HYOU1: variants seen among roughly 807,000 people sequenced by gnomAD.
HYOU1 encodes the protein hypoxia up-regulated protein 1.
A neutral mutation model predicts 120.5 loss-of-function variants in HYOU1; 40 were observed. The ratio of observed to expected loss-of-function variants is 0.33; its 90% CI spans 0.26 to 0.43. The LOEUF (loss-of-function observed/expected upper bound fraction) is 0.43. Among genes scored for constraint, HYOU1 ranks in the 20% least tolerant of loss-of-function variants. The probability of loss-of-function intolerance (pLI) is 1.00; values close to 1 mark genes in which losing one functional copy is unlikely to be tolerated. For synonymous variants in HYOU1, 501 were observed against 479.4 expected (o/e 1.05, Z -0.59); for missense variants, 1,085 against 1,278.3 (o/e 0.85, Z 2.31).
chr11:119,049,750 C>T (rs1258679801), intron 15 of HYOU1, 27 bp downstream of exon 15: 1 of 1,611,710 alleles, frequency 6.2e-7, no homozygotes, highest in Admixed American at 1.7e-5. Flanking sequence ...ATATTCTCTC[C>T]CATACACACA....
chr11:119,047,109 C>G, intron 22 of HYOU1: 1 of 275,034 alleles, frequency 3.6e-6, no homozygotes, highest in Non-Finnish European at 6.9e-6. Flanking sequence ...GGCTGGAGTG[C>G]AGTGGCGCGA....
intron 8 of HYOU1, chr11:119,053,883 A>C (rs868543930): frequency 2.3e-6 from 1 of 440,464 alleles, no homozygotes; most frequent in Non-Finnish European, 4.0e-6. Context: ...CTGCGGCTCC[A>C]TGGATTTCCT....
At position 119,051,189 on chromosome 11, in the gene HYOU1, AGAG is replaced by A. The variant is rs1366880711; in HGVS notation, c.1527-19_1527-17del. 1 of 1,614,074 alleles carries A rather than the reference AGAG, an allele frequency of 6.2e-7. No individual in the cohort carries two copies. Among genetic ancestry groups the A allele is most frequent in the East Asian group, 2.2e-5 (1 of 44,900 alleles). On this transcript the variant is annotated splice_polypyrimidine_tract_variant and intron_variant, in intron 13 of 25. Transcript: ENST00000617285. The surrounding 1 kb of genome is among the most constrained non-coding windows in gnomAD (Gnocchi z 4.2). ...GCCAAATACCCTGGTTGGGAAGGAA[AGAG>A]GAGTTCAGGGGGACCCACCCCAGCC... is the stretch of plus-strand genomic sequence containing the variant.
intron 1 of HYOU1, 177 bp from the exon 2 acceptor site, chr11:119,056,344 C>T (rs985871491): frequency 1.5e-6 from 1 of 678,898 alleles, no homozygotes; most frequent in Non-Finnish European, 2.7e-6. Flanking sequence ...CTCTAATCAT[C>T]CCAGCAGCGC....
chr11:119,052,884 C>A lies in HYOU1; in HGVS notation c.795-55G>T. On this transcript the variant is annotated intron_variant, in intron 8 of 25. Transcript: ENST00000617285. The surrounding 1 kb of genome is among the most constrained non-coding windows in gnomAD (Gnocchi z 5.0). ...TGAAGAACACATGGAGTCCCCGCAT[C>A]TGCACAGGAGCCTCTCATCCCCACA... 1 of 1,506,608 alleles carries A rather than the reference C, an allele frequency of 6.6e-7. No homozygotes were observed. The highest frequency in any genetic ancestry group is 1.2e-5 in the South Asian group (1 of 80,402). 93.3% of individuals were successfully genotyped at this position (1,506,608 alleles called of 1,614,324 possible). A position where few individuals can be genotyped will look rare whatever the true frequency, so the allele number is the denominator to read the frequency against.
intron 14 of HYOU1, among the ~76,000 whole-genome samples, chr11:119,050,339 G>T (rs1454581958): frequency 6.6e-6 from 1 of 151,938 alleles, no homozygotes; most frequent in East Asian, 1.9e-4. Flanking sequence ...CTTGAACCCG[G>T]GAGGCGGAGG....
At chr11:119,054,359 G>A in intron 7 of HYOU1, 123 bp from the exon 8 acceptor site, 2 of 1,192,922 alleles carry the variant, frequency 1.7e-6, no homozygotes, top group Non-Finnish European at 1.2e-6. Flanking sequence ...GCTCCAACAG[G>A]GGCTGGGAGG....
intron 7 of HYOU1, 73 bp from the exon 8 acceptor site, chr11:119,054,309 C>A: frequency 7.7e-7 from 1 of 1,290,644 alleles, no homozygotes; most frequent in South Asian, 1.2e-5. Flanking sequence ...CACCCACCTG[C>A]TTCCAATGGG....
At position 119,052,208 on chromosome 11, in the gene HYOU1, C is replaced by A. The variant is rs1944486495; in HGVS notation, c.1123-36G>T. 2.7e-5 allele frequency: 43 copies of A among 1,613,486 alleles called. No individual in the cohort carries two copies. The highest frequency in any genetic ancestry group is 3.6e-5 in the Non-Finnish European group (43 of 1,179,418). On this transcript the variant is annotated intron_variant, in intron 10 of 25. Transcript: ENST00000617285. The surrounding 1 kb of genome is among the most constrained non-coding windows in gnomAD (Gnocchi z 5.0). Reference sequence around the variant, plus strand: ...TAAGAATGACAGGTGCAACAGCATGCAGTTAGCACTGACTCGTCCCTTGAC... The same window carrying A: ...TAAGAATGACAGGTGCAACAGCATGAAGTTAGCACTGACTCGTCCCTTGAC...
intron 16 of HYOU1, 81 bp downstream of exon 16, chr11:119,049,475 T>A: frequency 6.4e-7 from 1 of 1,551,592 alleles, no homozygotes; most frequent in Non-Finnish European, 8.9e-7. Flanking sequence ...AGGGGTGGCC[T>A]ACCCTCACCC....
Position 119,052,648 on chromosome 11 carries a change from G to T in HYOU1, c.976C>A (p.His326Asn), listed in dbSNP as rs2133594351. The T allele has an allele frequency of 6.2e-7, 1 of 1,612,748 alleles. No homozygotes were observed. Among genetic ancestry groups the T allele is most frequent in the South Asian group, 1.1e-5 (1 of 90,960 alleles). Residue 326 changes from histidine to asparagine, a missense_variant, in exon 9 of 26, where the codon CAC becomes AAC. His to Asn is a moderately conservative substitution (Grantham distance 68). Around this residue, in one of 4 missense-constraint regions of HYOU1, gnomAD observed 515 missense variants for 677.8 expected, o/e 0.76. Coordinates refer to ENST00000617285, the MANE Select transcript of HYOU1 (RefSeq NM_006389.5). This position sits in a 1 kb window ranked among gnomAD's most constrained non-coding sequence, Gnocchi z 5.0. Reference sequence around the variant, plus strand: ...CCACTTGTGGGCACCTGTGCCATGTGGTCAGCGTTGGCACTGAGGACGGTT... The same window carrying T: ...CCACTTGTGGGCACCTGTGCCATGTTGTCAGCGTTGGCACTGAGGACGGTT... ...LKTVLSANAD[H>N]MAQIEGLMDD...
chr11:119,045,727 G>T, intron 25 of HYOU1, 54 bp downstream of exon 25: 4 of 1,613,386 alleles, frequency 2.5e-6, no homozygotes, highest in Non-Finnish European at 3.4e-6. Flanking sequence ...TCTTTGCAAA[G>T]GATTTCCTGA....
In HYOU1 at chr11:119,055,199, G is replaced by C; in HGVS notation, c.405C>G (p.His135Gln). ...AGAGCACTCACGAGCTGATCTGAAA[G>C]TGCACAGTCTGCCTCTGTGGGTCGA... ...LTFDPQRQTV[H>Q]FQISSQLQFS... Residue 135 changes from histidine to glutamine, a missense_variant, in exon 5 of 26, where the codon CAC becomes CAG. Transcript: ENST00000617285. The surrounding 1 kb of genome is among the most constrained non-coding windows in gnomAD (Gnocchi z 4.0). 1 of 1,614,042 alleles carries C rather than the reference G, an allele frequency of 6.2e-7. No homozygotes were observed. The highest frequency in any genetic ancestry group is 1.1e-5 in the South Asian group (1 of 91,066).
chr11:119,047,206 G>A (rs2133555663), intron 22 of HYOU1: 30 of 191,440 alleles, frequency 1.6e-4, no homozygotes, highest in African/African-American at 5.7e-4. Flanking sequence ...AGGCGACCAC[G>A]CCCAGCTAAT....
Position 119,048,496 on chromosome 11 carries a change from C to A in HYOU1, c.2233G>T (p.Ala745Ser). The change falls in exon 19 of 26, where the codon GCA (alanine) becomes TCA (serine). Residue 745 changes from alanine to serine, a missense_variant. Around this residue, in one of 4 missense-constraint regions of HYOU1, gnomAD observed 516 missense variants for 517.1 expected, o/e 1.00. Transcript: ENST00000617285. This position sits in a 1 kb window ranked among gnomAD's most constrained non-coding sequence, Gnocchi z 4.7. Reference sequence around the variant, plus strand: ...CTGACCTGGGTCTCAAATATGAATGCTTCCAAGCTGTTGGCAGCTTTTTCC... The same window carrying A: ...CTGACCTGGGTCTCAAATATGAATGATTCCAAGCTGTTGGCAGCTTTTTCC... Reference protein sequence around the residue: ...EREKAANSLEAFIFETQDKLY... With the variant: ...EREKAANSLESFIFETQDKLY... The A allele has an allele frequency of 6.2e-7, 1 of 1,614,074 alleles. No homozygotes were observed. Among genetic ancestry groups the A allele is most frequent in the African/African-American group, 1.3e-5 (1 of 75,048 alleles).
chr11:119,055,271 G>C lies in HYOU1; in HGVS notation c.333C>G (p.Pro111=). The stretch of plus-strand genomic sequence containing the variant: ...AGCGGGCCTGGTAAAGAGCTACATG[G>C]GGGTTATCTGCCTGCTTCCCCAGGA... ...QHLLGKQADN[P]HVALYQARFP... is the part of the protein sequence containing the mutation. Residue 111 remains proline (P), a synonymous_variant, in exon 5 of 26, where the codon CCC becomes CCG. Transcript: ENST00000617285. This position sits in a 1 kb window ranked among gnomAD's most constrained non-coding sequence, Gnocchi z 4.0. 1 of 1,614,154 alleles carries C rather than the reference G, an allele frequency of 6.2e-7. No homozygotes were observed.
At position 119,055,633 on chromosome 11, in the gene HYOU1, T is replaced by C. The variant is rs1944709438; in HGVS notation, c.186-62A>G. Reference sequence around the variant, plus strand: ...CAGAAGGACTCAGAAGCCTCGACACTCACACACATTTAACCACTCAGATGC... The same window carrying C: ...CAGAAGGACTCAGAAGCCTCGACACCCACACACATTTAACCACTCAGATGC... On this transcript the variant is annotated intron_variant, in intron 3 of 25. Transcript: ENST00000617285. The surrounding 1 kb of genome is among the most constrained non-coding windows in gnomAD (Gnocchi z 4.0). 2.6e-6 allele frequency: 4 copies of C among 1,521,264 alleles called. No homozygotes were observed. The South Asian group carries it at 3.4e-5, about 13-fold the overall frequency. The allele number at this position is 1,521,264 out of a possible 1,614,324, so 94.2% of individuals were successfully genotyped here. A position where few individuals can be genotyped will look rare whatever the true frequency, so the allele number is the denominator to read the frequency against.
At position 119,056,165 on chromosome 11, in the gene HYOU1, C is replaced by T; in HGVS notation, c.-5G>A. The T allele has an allele frequency of 1.2e-6, 2 of 1,611,740 alleles. No homozygotes were observed. Among genetic ancestry groups the T allele is most frequent in the East Asian group, 2.2e-5 (1 of 44,880 alleles). ...CCTCCTAACTTTGTCTGCCATAGTG[C>T]CCCTGGGGGAGGCGAAGAAAGAAAA... On this transcript the variant is annotated splice_region_variant and 5_prime_UTR_variant, in exon 2 of 26. Transcript: ENST00000617285.
At position 119,048,657 on chromosome 11, in the gene HYOU1, A is replaced by G; in HGVS notation, c.2165+57T>C. On this transcript the variant is annotated intron_variant, in intron 18 of 25. Coordinates refer to ENST00000617285, the MANE Select transcript of HYOU1 (RefSeq NM_006389.5). This position sits in a 1 kb window ranked among gnomAD's most constrained non-coding sequence, Gnocchi z 4.7. Reference sequence around the variant, plus strand: ...GCCCTCCCTCCCAGGGCGCCATCCCACATCCTGCCCACCTTGCACACACAT... The same window carrying G: ...GCCCTCCCTCCCAGGGCGCCATCCCGCATCCTGCCCACCTTGCACACACAT... 1.2e-6 allele frequency: 2 copies of G among 1,607,118 alleles called. No homozygotes were observed. Among genetic ancestry groups the G allele is most frequent in the Non-Finnish European group, 1.7e-6 (2 of 1,176,134 alleles).
Sources: gnomAD v4.1 joint callset for allele counts (sites outside exome capture counted in the v4.1 genomes callset) on GRCh38, gnomAD v4.1.1 for gene constraint, gnomAD v4.1.1 regional missense constraint, Gnocchi (gnomAD v3.1) non-coding constraint, MANE v1.5 for transcripts, NCBI Gene and HGNC (gene_info 2026-07-23, HGNC 2026-07-21) for gene names.